The following TASOR variants were observed in gnomAD, a reference collection of about 807,000 sequenced individuals.
TASOR encodes protein TASOR.
Under a neutral mutation model 178.6 loss-of-function variants are expected in TASOR, and 53 were observed. That is an observed-to-expected ratio of 0.30 (90% CI 0.24 to 0.37). The LOEUF is 0.37. Ranked by LOEUF, TASOR falls within the 10% of genes least tolerant of loss-of-function variation. The probability of loss-of-function intolerance (pLI) is 1.00; values close to 1 mark genes in which losing one functional copy is unlikely to be tolerated. For missense variants in TASOR, 1,815 were observed against 1,971.4 expected (o/e 0.92, Z 1.50); for synonymous variants, 713 against 696.2 (o/e 1.02, Z -0.38).
chr3:56,661,153 CTT>C (rs1259698151), intron 9 of TASOR, 136 bp from the exon 10 acceptor site: 1 of 628,510 alleles, frequency 1.6e-6, no homozygotes, highest in Non-Finnish European at 2.7e-6. Context: ...TTCTAAAGAT[CTT>C]TTGTTTCGTT....
At chr3:56,656,610 G>T (rs1292018442) in intron 11 of TASOR, among the ~76,000 whole-genome samples, 2 of 149,088 alleles carry the variant, frequency 1.3e-5, no homozygotes, top group East Asian at 3.9e-4. Flanking sequence ...CCCAAAAAAA[G>T]AAAGAAAATA....
chr3:56,642,026 T>G (rs975914631), intron 14 of TASOR, among the ~76,000 whole-genome samples: 2 of 152,224 alleles, frequency 1.3e-5, no homozygotes, highest in Non-Finnish European at 2.9e-5. Context: ...ATATGTGTAT[T>G]AATAACTACC....
Position 56,623,056 on chromosome 3 carries a change from G to C in TASOR, c.4994C>G (p.Pro1665Arg). The C allele has an allele frequency of 1.3e-6, 2 of 1,574,200 alleles. No individual in the cohort carries two copies. The highest frequency in any genetic ancestry group is 1.7e-6 in the Non-Finnish European group (2 of 1,161,698). The change falls in exon 24 of 24, where the codon CCA becomes CGA. Residue 1665 changes from proline (P) to arginine (R), a missense_variant. Pro to Arg is a moderately radical substitution (Grantham distance 103, BLOSUM62 -2). This residue lies in a region of TASOR where 278 missense variants were observed against 257.1 expected (regional missense o/e 1.08). Coordinates refer to ENST00000683822, the MANE Select transcript of TASOR (RefSeq NM_001365635.2). ...CTACAGTTATTTCTCTTGTGAATAT[G>C]GCCTGGAAGAATCACTTTTCCCCCA... Reference protein sequence around the residue: ...LSWGKSDSSRPYSQEK With the variant: ...LSWGKSDSSRRYSQEK
At chr3:56,678,377 T>A (rs2031507999) in intron 1 of TASOR, among the ~76,000 whole-genome samples, 1 of 151,660 alleles carries the variant, frequency 6.6e-6, no homozygotes, top group African/African-American at 2.4e-5. Context: ...GAGTCAGGGT[T>A]TCACCACGTT....
chr3:56,683,029 G>T lies in TASOR; in HGVS notation c.-23C>A. On this transcript the variant is annotated 5_prime_UTR_variant, in exon 1 of 24. Coordinates refer to ENST00000683822, the MANE Select transcript of TASOR (RefSeq NM_001365635.2). ...CATCGCGCCGGCCTAAGGAGCTCTGGGAAGCTTCTGCCCACAAGGTCGACG... is the reference window on the plus strand; with the variant it reads ...CATCGCGCCGGCCTAAGGAGCTCTGTGAAGCTTCTGCCCACAAGGTCGACG... The T allele has an allele frequency of 2.0e-6, 3 of 1,506,004 alleles. No homozygotes were observed. The highest frequency in any genetic ancestry group is 2.7e-6 in the Non-Finnish European group (3 of 1,125,722). 93.3% of individuals were successfully genotyped at this position (1,506,004 alleles called of 1,614,324 possible). A position where few individuals can be genotyped will look rare whatever the true frequency, so the allele number is the denominator to read the frequency against.
At chr3:56,655,197 G>T (rs763133121) in intron 11 of TASOR, among the ~76,000 whole-genome samples, 2 of 152,028 alleles carry the variant, frequency 1.3e-5, no homozygotes, top group African/African-American at 2.4e-5. Flanking sequence ...ATGTTATAAG[G>T]CTTTTTTTTC....
chr3:56,673,815 A>C (rs2030990773), intron 1 of TASOR, 90 bp from the exon 2 acceptor site: 9 of 1,140,478 alleles, frequency 7.9e-6, no homozygotes, highest in Non-Finnish European at 1.1e-5. Context: ...TGTAACTTTA[A>C]ATACCATGAA....
At chr3:56,670,937 T>A (rs2030636258) in intron 3 of TASOR, among the ~76,000 whole-genome samples, 1 of 54,968 alleles carries the variant, frequency 1.8e-5, no homozygotes, top group Non-Finnish European at 2.6e-5. Flanking sequence ...TGAGACTCCA[T>A]CTCAAAAAAA....
intron 15 of TASOR, 70 bp from the exon 16 acceptor site, chr3:56,640,200 T>A (rs547398380): frequency 7.0e-7 from 1 of 1,429,376 alleles, no homozygotes; most frequent in Non-Finnish European, 9.6e-7. Flanking sequence ...AAACTGTTTT[T>A]TCACTGAAAA....
chr3:56,624,511 A>G lies in TASOR; in HGVS notation c.4451T>C (p.Leu1484Pro), dbSNP rs2076756910. The change falls in exon 23 of 24, where the codon CTT (leucine) becomes CCT (proline). Residue 1484 changes from leucine (L) to proline (P), a missense_variant. Coordinates refer to ENST00000683822, the MANE Select transcript of TASOR (RefSeq NM_001365635.2). Reference sequence around the variant, plus strand: ...CGACTCAAGATTCTCATTAGCACCAAGCTGTGGAAGGTTTTCTTCTGTGAT... The same window carrying G: ...CGACTCAAGATTCTCATTAGCACCAGGCTGTGGAAGGTTTTCTTCTGTGAT... ...NSITEENLPQ[L>P]GANENLESQS... is the part of the protein sequence containing the mutation. 1 of 1,614,028 alleles carries G rather than the reference A, an allele frequency of 6.2e-7. No homozygotes were observed. The highest frequency in any genetic ancestry group is 2.2e-5 in the East Asian group (1 of 44,856).
chr3:56,647,346 G>A (rs2077256526), intron 13 of TASOR, 123 bp from the exon 14 acceptor site: 8 of 705,660 alleles, frequency 1.1e-5, no homozygotes, highest in South Asian at 2.4e-5. Flanking sequence ...TGAACCAGAC[G>A]AGTATGTACC....
At chr3:56,626,833 CACATA>C (rs1354326425) in intron 21 of TASOR, among the ~76,000 whole-genome samples, 199 bp downstream of exon 21, 2 of 151,940 alleles carry the variant, frequency 1.3e-5, no homozygotes, top group Non-Finnish European at 2.9e-5. Context: ...TTTACCTATG[CACATA>C]ACAACTTCAG....
chr3:56,683,023 G>A lies in TASOR; in HGVS notation c.-17C>T, dbSNP rs1029761660. Reference sequence around the variant, plus strand: ...AGTCGCCATCGCGCCGGCCTAAGGAGCTCTGGGAAGCTTCTGCCCACAAGG... The same window carrying A: ...AGTCGCCATCGCGCCGGCCTAAGGAACTCTGGGAAGCTTCTGCCCACAAGG... On this transcript the variant is annotated 5_prime_UTR_variant, in exon 1 of 24. Transcript: ENST00000683822. The A allele has an allele frequency of 6.6e-7, 1 of 1,510,658 alleles. No homozygotes were observed. The highest frequency in any genetic ancestry group is 8.9e-7 in the Non-Finnish European group (1 of 1,127,732). The allele number at this position is 1,510,658 out of a possible 1,614,324, so 93.6% of individuals were successfully genotyped here.
intron 17 of TASOR, among the ~76,000 whole-genome samples, chr3:56,635,322 T>C (rs2076994206): frequency 1.3e-5 from 2 of 152,196 alleles, no homozygotes; most frequent in South Asian, 4.1e-4. Context: ...GAATTAGAAC[T>C]GTATGAAATT....
Position 56,624,595 on chromosome 3 carries a change from A to G in TASOR, c.4367T>C (p.Val1456Ala). 6.2e-7 allele frequency: 1 copy of G among 1,614,086 alleles called. No individual in the cohort carries two copies. The highest frequency in any genetic ancestry group is 1.1e-5 in the South Asian group (1 of 91,080). ...TTGCATGAAGTCTTCAGCAGTTGCA[A>G]CCACTATTCCATTATCTGTATAACT... ...LSSYTDNGIV[V>A]ATAEDFMQNF... is the part of the protein sequence containing the mutation. Residue 1456 changes from valine to alanine, a missense_variant, in exon 23 of 24, where the codon GTT becomes GCT. Val to Ala is a moderately conservative substitution (Grantham distance 64). Coordinates refer to ENST00000683822, the MANE Select transcript of TASOR (RefSeq NM_001365635.2).
At chr3:56,641,273 C>A in intron 15 of TASOR, 76 bp downstream of exon 15, 2 of 1,396,026 alleles carry the variant, frequency 1.4e-6, no homozygotes, top group East Asian at 4.6e-5. Context: ...AAAAATCATT[C>A]CCTGAAGCAT....
intron 17 of TASOR, 125 bp from the exon 18 acceptor site, chr3:56,634,091 A>C: frequency 2.6e-6 from 2 of 776,810 alleles, no homozygotes; most frequent in Non-Finnish European, 2.0e-6. Context: ...TTAGAAGGTA[A>C]AATAAAATCC....
intron 5 of TASOR, 27 bp from the exon 6 acceptor site, chr3:56,668,585 TC>T: frequency 6.8e-7 from 1 of 1,473,228 alleles, no homozygotes; most frequent in African/African-American, 1.4e-5. Flanking sequence ...CTTTTAAGTG[TC>T]TACCTAAACC....
In TASOR at chr3:56,627,644, A is replaced by T; in HGVS notation, c.3968T>A (p.Phe1323Tyr). Residue 1323 changes from phenylalanine to tyrosine, a missense_variant, in exon 20 of 24, where the codon TTT (phenylalanine) becomes TAT (tyrosine). By Grantham distance (22) the Phe-to-Tyr change is conservative. Coordinates refer to ENST00000683822, the MANE Select transcript of TASOR (RefSeq NM_001365635.2). ...DVKNHTYNEL[F>Y]VSGGFIVSDE... ...AGATACGATAAAACCTCCAGATACA[A>T]ATAATTCATTGTATGTATGATTTTT... 1 of 1,614,038 alleles carries T rather than the reference A, an allele frequency of 6.2e-7. No homozygotes were observed. Among genetic ancestry groups the T allele is most frequent in the Non-Finnish European group, 8.5e-7 (1 of 1,179,894 alleles).
Sources: allele counts gnomAD v4.1 joint callset (sites outside exome capture counted in the v4.1 genomes callset), GRCh38; gene constraint gnomAD v4.1.1; regional missense constraint gnomAD v4.1.1; transcripts MANE v1.5; gene names NCBI Gene and HGNC (gene_info 2026-07-23, HGNC 2026-07-21).